SYT2: variants seen among roughly 807,000 people sequenced by gnomAD.
SYT2 encodes the protein synaptotagmin-2.
A neutral mutation model predicts 39.9 loss-of-function variants in SYT2; 15 were observed. The ratio of observed to expected loss-of-function variants is 0.38; its 90% CI spans 0.25 to 0.58. The LOEUF is 0.58. SYT2 is among the 20% of genes least tolerant of loss of function. The pLI, the probability that SYT2 is intolerant of heterozygous loss-of-function variation, is 0.70. For missense variants in SYT2, 389 were observed against 530.3 expected (o/e 0.73, Z 2.62); for synonymous variants, 181 against 204.5 (o/e 0.89, Z 0.98).
chr1:202,650,435 C>CA (rs1692168948), intron 1 of SYT2, among the ~76,000 whole-genome samples: 1 of 143,264 alleles, frequency 7.0e-6, no homozygotes, highest in Non-Finnish European at 1.5e-5. Flanking sequence ...GTTTCATATG[C>CA]TTTTGTTTTT....
chr1:202,648,299 G>A (rs2149100967), intron 1 of SYT2, among the ~76,000 whole-genome samples: 1 of 152,180 alleles, frequency 6.6e-6, no homozygotes, highest in Middle Eastern at 3.4e-3. Flanking sequence ...TCATGCCTCA[G>A]CCTCCCAAGT....
intron 1 of SYT2, among the ~76,000 whole-genome samples, chr1:202,624,152 T>A (rs1691279104): frequency 6.6e-6 from 1 of 151,946 alleles, no homozygotes; most frequent in South Asian, 2.1e-4. Context: ...GATGTGAGTG[T>A]GCATATGTGG....
chr1:202,708,508 C>T (rs1368714419), intron 1 of SYT2, among the ~76,000 whole-genome samples: 2 of 151,984 alleles, frequency 1.3e-5, no homozygotes, highest in Non-Finnish European at 2.9e-5. Flanking sequence ...TGCCTGGCAG[C>T]CAAGCAGAGC....
At chr1:202,667,466 C>CGTGTGTGTGTGTGTGT (rs35072265) in intron 1 of SYT2, among the ~76,000 whole-genome samples, 3 of 140,744 alleles carry the variant, frequency 2.1e-5, no homozygotes, top group African/African-American at 5.5e-5. Context: ...AGTGACCAGC[C>CGTGTGTGTGTGTGTGT]GTGTGTGTGT....
intron 1 of SYT2, among the ~76,000 whole-genome samples, chr1:202,691,684 GGGGAGAGGGAGA>G (rs1169874133): frequency 0.013 from 642 of 49,808 alleles, 16 homozygotes; most frequent in Non-Finnish European, 0.015. Flanking sequence ...AGGGAGCGAG[GGGGAGAGGGAGA>G]GGGAGAGGGA....
chr1:202,692,626 G>A (rs1364556654), intron 1 of SYT2, among the ~76,000 whole-genome samples: 1 of 152,250 alleles, frequency 6.6e-6, no homozygotes, highest in East Asian at 1.9e-4. Context: ...TGAGCTTGGA[G>A]CTCATCCTCC....
At chr1:202,704,347 G>A (rs1230445319) in intron 1 of SYT2, among the ~76,000 whole-genome samples, 2 of 152,184 alleles carry the variant, frequency 1.3e-5, no homozygotes, top group African/African-American at 4.8e-5. Flanking sequence ...GAGGAGACAC[G>A]GTTATTTTGA....
rs141860749 is a variant in SYT2, at chr1:202,668,176, C to A, written c.-18+42082G>T. Among the ~76,000 whole-genome samples, 61 of 152,330 alleles carry A rather than the reference C, an allele frequency of 4.0e-4. No homozygotes were observed. The East Asian group carries it at 8.1e-3, about 20-fold the overall frequency. ...CATTGAATATATTGTAGGGCTCCAA[C>A]ACTCATAGTCACAGACACGTGGAGA... is the stretch of plus-strand genomic sequence containing the variant. On this transcript the variant is annotated intron_variant, in intron 1 of 8. Coordinates refer to ENST00000367268, the MANE Select transcript of SYT2 (RefSeq NM_177402.5).
chr1:202,699,010 C>CTTTTTTTTTTTT, intron 1 of SYT2, among the ~76,000 whole-genome samples: 1 of 97,940 alleles, frequency 1.0e-5, no homozygotes, highest in Non-Finnish European at 2.0e-5. Context: ...ACCAAACTGT[C>CTTTTTTTTTTTT]TTTTTTTTTT....
At chr1:202,635,966 G>A (rs1691729457) in intron 1 of SYT2, among the ~76,000 whole-genome samples, 1 of 152,128 alleles carries the variant, frequency 6.6e-6, no homozygotes. Flanking sequence ...TGCTGCTTCT[G>A]ATCAGCCCCC....
intron 1 of SYT2, among the ~76,000 whole-genome samples, chr1:202,687,666 C>CAAAAAAAAAAAA (rs59844832): frequency 2.4e-5 from 2 of 83,978 alleles, no homozygotes; most frequent in Non-Finnish European, 4.5e-5. Flanking sequence ...AACTCCATCT[C>CAAAAAAAAAAAA]AAAAAAAAAA....
At chr1:202,688,705 C>T (rs963195632) in intron 1 of SYT2, among the ~76,000 whole-genome samples, 8 of 152,166 alleles carry the variant, frequency 5.3e-5, no homozygotes, top group African/African-American at 1.7e-4. Context: ...AGAAGGTCTC[C>T]GACTAGAGAG....
Position 202,604,518 on chromosome 1 carries a change from G to T in SYT2, c.282C>A (p.Asn94Lys). The change falls in exon 3 of 9, where the codon AAC becomes AAA. Residue 94 changes from asparagine to lysine, a missense_variant. Physicochemically the swap from Asn to Lys is moderately conservative, Grantham distance 94. Around this residue, in one of 4 missense-constraint regions of SYT2, gnomAD observed 280 missense variants for 335.6 expected, o/e 0.83. Transcript: ENST00000367268. ...CKKCCCKKKKNKKEKGKGMKN... is the reference protein window; with the variant it reads ...CKKCCCKKKKKKKEKGKGMKN... Reference sequence around the variant, plus strand: ...TCATGCCTTTGCCCTTCTCCTTCTTGTTCTTCTTCTTCTTGCAGCAGCATT... The same window carrying T: ...TCATGCCTTTGCCCTTCTCCTTCTTTTTCTTCTTCTTCTTGCAGCAGCATT... The T allele has an allele frequency of 6.2e-7, 1 of 1,613,986 alleles. No homozygotes were observed. The highest frequency in any genetic ancestry group is 1.6e-4 in the Middle Eastern group (1 of 6,062).
intron 1 of SYT2, among the ~76,000 whole-genome samples, chr1:202,681,030 A>G (rs949832744): frequency 3.3e-5 from 5 of 152,058 alleles, no homozygotes; most frequent in African/African-American, 1.2e-4. Context: ...CCCTCCCTCA[A>G]ATGCAGTCCA....
In SYT2 at chr1:202,625,153, T is replaced by G. The variant is rs1194753820; in HGVS notation, c.-17-19364A>C. Among the ~76,000 whole-genome samples, 2 of 33,924 alleles carry G rather than the reference T, an allele frequency of 5.9e-5. 1 individual carries two copies. Among genetic ancestry groups the G allele is most frequent in the Non-Finnish European group, 1.5e-4 (2 of 12,980 alleles). 22.3% of individuals were successfully genotyped at this position (33,924 alleles called of 152,430 possible). ...TGTGTGTGGCGTGTAATAGGGTGTG[T>G]GGTGTGTCTGTGTGGTGTGTGTGTC... is the stretch of plus-strand genomic sequence containing the variant. On this transcript the variant is annotated intron_variant, in intron 1 of 8. Coordinates refer to ENST00000367268, the MANE Select transcript of SYT2 (RefSeq NM_177402.5).
At chr1:202,650,435 C>CT (rs68013997) in intron 1 of SYT2, among the ~76,000 whole-genome samples, 59,111 of 142,384 alleles carry the variant, frequency 0.42, 14,156 homozygotes, top group East Asian at 0.78. Context: ...GTTTCATATG[C>CT]TTTTGTTTTT....
chr1:202,676,103 C>T (rs1015768848), intron 1 of SYT2, among the ~76,000 whole-genome samples: 6 of 152,202 alleles, frequency 3.9e-5, no homozygotes, highest in Non-Finnish European at 8.8e-5. Context: ...CCCCTGCAGC[C>T]AGTTGGATGT....
At chr1:202,676,222 C>T (rs1374504266) in intron 1 of SYT2, among the ~76,000 whole-genome samples, 1 of 152,172 alleles carries the variant, frequency 6.6e-6, no homozygotes, top group Non-Finnish European at 1.5e-5. Context: ...TCCCACTTCC[C>T]ACATTCAACC....
At chr1:202,706,600 T>G in intron 1 of SYT2, among the ~76,000 whole-genome samples, 1 of 152,314 alleles carries the variant, frequency 6.6e-6, no homozygotes, top group Non-Finnish European at 1.5e-5. Flanking sequence ...AGAACCAGGA[T>G]GAACCCTGGC....
Sources: allele counts gnomAD v4.1 joint callset (sites outside exome capture counted in the v4.1 genomes callset), GRCh38; gene constraint gnomAD v4.1.1; regional missense constraint gnomAD v4.1.1; transcripts MANE v1.5; gene names NCBI Gene and HGNC (gene_info 2026-07-23, HGNC 2026-07-21).